The following ATP11A variants were observed in gnomAD, a reference collection of about 807,000 sequenced individuals.
ATP11A encodes the protein ATPase phospholipid transporting 11A, also known as phospholipid-transporting ATPase IH.
Under a neutral mutation model 154.4 loss-of-function variants are expected in ATP11A, and 81 were observed. That is an observed-to-expected ratio of 0.52 (90% CI 0.44 to 0.63). The LOEUF is 0.63. Ranked by LOEUF, ATP11A falls within the 30% of genes least tolerant of loss-of-function variation. The probability of loss-of-function intolerance (pLI) is 0.00; values close to 1 mark genes in which losing one functional copy is unlikely to be tolerated. For missense variants in ATP11A, 1,316 were observed against 1,474.3 expected, an observed-to-expected ratio of 0.89 and a Z score of 1.76; for synonymous variants, 623 against 585.9, an observed-to-expected ratio of 1.06 and a Z score of -0.91.
chr13:112,747,607 C>T lies in ATP11A; in HGVS notation c.40-37528C>T, dbSNP rs111864103. On this transcript the variant is annotated intron_variant, in intron 1 of 29. Coordinates refer to ENST00000375645, the MANE Select transcript of ATP11A (RefSeq NM_015205.3). ...TCCCTGCACTTTGGGAGGCCAAGGC[C>T]GGCGGATCACTTGAGGTCAGGAGTT... Among the ~76,000 whole-genome samples, 289 of 152,246 alleles carry T rather than the reference C, an allele frequency of 1.9e-3. 3 individuals carry two copies. The highest frequency in any genetic ancestry group is 4.9e-3 in the African/African-American group (205 of 41,552).
At chr13:112,803,481 A>T (rs576283042) in intron 2 of ATP11A, among the ~76,000 whole-genome samples, 18 of 152,322 alleles carry the variant, frequency 1.2e-4, no homozygotes, top group African/African-American at 4.3e-4. Context: ...AGGCTGTGAG[A>T]CCTTCTTCAG....
intron 1 of ATP11A, among the ~76,000 whole-genome samples, chr13:112,756,151 G>T (rs1348528168): frequency 3.9e-5 from 6 of 152,164 alleles, no homozygotes; most frequent in Non-Finnish European, 4.4e-5. Flanking sequence ...TGATTATAAT[G>T]ATATCCTTAC....
chr13:112,769,053 C>T (rs9324326), intron 1 of ATP11A, among the ~76,000 whole-genome samples: 2,010 of 151,954 alleles, frequency 0.013, 50 homozygotes, highest in African/African-American at 0.045. Context: ...TGTTTGTGGT[C>T]GGGGGTGGAA....
chr13:112,761,565 G>A (rs74115463), intron 1 of ATP11A, among the ~76,000 whole-genome samples: 206 of 150,516 alleles, frequency 1.4e-3, no homozygotes, highest in East Asian at 0.011. Context: ...CTGGGGTCTT[G>A]GAAGCACCCC....
intron 1 of ATP11A, among the ~76,000 whole-genome samples, chr13:112,711,177 A>C (rs537918724): frequency 1.1e-4 from 17 of 152,164 alleles, no homozygotes. Context: ...ACTTTTCATC[A>C]TGCTTCCTGA....
intron 24 of ATP11A, 100 bp from the exon 25 acceptor site, chr13:112,862,340 C>G (rs1053472740): frequency 1.4e-6 from 2 of 1,432,212 alleles, no homozygotes; most frequent in African/African-American, 2.8e-5. Context: ...CACATCTTAT[C>G]CCATGAAGAC....
intron 1 of ATP11A, among the ~76,000 whole-genome samples, chr13:112,727,022 A>G (rs1326529750): frequency 2.6e-5 from 4 of 152,200 alleles, no homozygotes; most frequent in African/African-American, 7.2e-5. Context: ...GTTGTAGGTA[A>G]TAGTAAATCT....
Position 112,857,952 on chromosome 13 carries a change from G to A in ATP11A, c.2521+32G>A, listed in dbSNP as rs374876737. 1.4e-5 allele frequency: 22 copies of A among 1,608,108 alleles called. No homozygotes were observed. The African/African-American group carries it at 2.3e-4, about 17-fold the overall frequency. On this transcript the variant is annotated intron_variant, in intron 21 of 29. Coordinates refer to ENST00000375645, the MANE Select transcript of ATP11A (RefSeq NM_015205.3). ...TTCGTCCTTGCTGCTGGCACATCCT[G>A]GTGGCCAGGTCACCCCTTCGCTAGA...
intron 1 of ATP11A, among the ~76,000 whole-genome samples, chr13:112,758,067 T>C (rs1029134588): frequency 6.6e-6 from 1 of 152,220 alleles, no homozygotes; most frequent in African/African-American, 2.4e-5. Flanking sequence ...AAAGACATTT[T>C]TGTTGTTGTT....
intron 1 of ATP11A, among the ~76,000 whole-genome samples, chr13:112,721,704 C>G (rs1889208732): frequency 6.6e-6 from 1 of 152,210 alleles, no homozygotes; most frequent in Admixed American, 6.5e-5. Context: ...CACGGCTGGG[C>G]TTCCCGGGGT....
chr13:112,861,705 G>A (rs2080107530), intron 24 of ATP11A, among the ~76,000 whole-genome samples: 2 of 152,226 alleles, frequency 1.3e-5, no homozygotes, highest in African/African-American at 4.8e-5. Context: ...AATCACTGTA[G>A]GTGATTAAGG....
chr13:112,824,266 C>T (rs1441553412), intron 9 of ATP11A, 78 bp from the exon 10 acceptor site: 6 of 1,112,408 alleles, frequency 5.4e-6, no homozygotes, highest in Admixed American at 5.2e-5. Context: ...ATTGATTTTC[C>T]CCGCAGCTGT....
chr13:112,822,957 G>A (rs1594798632), intron 8 of ATP11A, among the ~76,000 whole-genome samples: 1 of 152,094 alleles, frequency 6.6e-6, no homozygotes, highest in Non-Finnish European at 1.5e-5. Context: ...TAGTGTGATG[G>A]TTCCTGACTG....
At chr13:112,749,118 GTGCCA>G (rs1051859528) in intron 1 of ATP11A, among the ~76,000 whole-genome samples, 1 of 152,220 alleles carries the variant, frequency 6.6e-6, no homozygotes, top group Non-Finnish European at 1.5e-5. Context: ...CCTCCCTGGC[GTGCCA>G]CAGCATGAGG....
At position 112,696,652 on chromosome 13, in the gene ATP11A, C is replaced by A. The variant is rs537889571; in HGVS notation, c.39+6197C>A. Among the ~76,000 whole-genome samples the A allele has an allele frequency of 6.6e-6, 1 of 152,234 alleles. No homozygotes were observed. The highest frequency in any genetic ancestry group is 1.5e-5 in the Non-Finnish European group (1 of 67,996). On this transcript the variant is annotated intron_variant, in intron 1 of 29. Coordinates refer to ENST00000375645, the MANE Select transcript of ATP11A (RefSeq NM_015205.3). This position sits in a 1 kb window ranked among gnomAD's most constrained non-coding sequence, Gnocchi z 6.2. The stretch of plus-strand genomic sequence containing the variant: ...ACCCCGCGTAGCTGGCCCGTCCTTC[C>A]TTCTCCTGTCTCTTCTGTGCCTACC...
chr13:112,700,149 C>T (rs1473131125), intron 1 of ATP11A, among the ~76,000 whole-genome samples: 2 of 148,788 alleles, frequency 1.3e-5, no homozygotes, highest in Non-Finnish European at 3.0e-5. Flanking sequence ...GTGAAAAAAA[C>T]GATTTGATCA....
chr13:112,824,571 T>C, intron 10 of ATP11A, 146 bp downstream of exon 10: 1 of 713,856 alleles, frequency 1.4e-6, no homozygotes, highest in Admixed American at 2.3e-5. Context: ...ATTCAGATGG[T>C]CTTTCTTATT....
intron 12 of ATP11A, among the ~76,000 whole-genome samples, chr13:112,829,777 A>T (rs762535807): frequency 4.6e-5 from 7 of 152,248 alleles, no homozygotes; most frequent in Non-Finnish European, 1.0e-4. Flanking sequence ...ACACAATCTT[A>T]TATATAGAAA....
rs141867312 is a variant in ATP11A, at chr13:112,754,253, G to T, written c.40-30882G>T. 4.6e-5 allele frequency among the ~76,000 whole-genome samples: 7 copies of T among 152,294 alleles called. No individual in the cohort carries two copies. In the East Asian group the frequency reaches 1.2e-3, roughly 25 times the overall value. ...ATAACAGGGCCGGGTTCTCACTGGC[G>T]GGACTGTTCACCTCTGCAATCTGCC... On this transcript the variant is annotated intron_variant, in intron 1 of 29. Coordinates refer to ENST00000375645, the MANE Select transcript of ATP11A (RefSeq NM_015205.3). The surrounding 1 kb of genome is among the most constrained non-coding windows in gnomAD (Gnocchi z 5.3).
Sources: gnomAD v4.1 joint callset for allele counts (sites outside exome capture counted in the v4.1 genomes callset) on GRCh38, gnomAD v4.1.1 for gene constraint, Gnocchi (gnomAD v3.1) non-coding constraint, MANE v1.5 for transcripts, NCBI Gene and HGNC (gene_info 2026-07-23, HGNC 2026-07-21) for gene names.